The following FNDC3B variants were observed in gnomAD, a reference collection of about 807,000 sequenced individuals.
FNDC3B encodes fibronectin type III domain-containing protein 3B.
In FNDC3B, 12 loss-of-function variants were observed where a neutral mutation model predicts 151.5. That is an observed-to-expected ratio of 0.08 (90% CI 0.05 to 0.13). The LOEUF is 0.13. FNDC3B is among the 10% of genes least tolerant of loss of function. The probability of loss-of-function intolerance (pLI) is 1.00; values close to 1 mark genes in which losing one functional copy is unlikely to be tolerated. For synonymous variants in FNDC3B, 528 were observed against 549.0 expected (o/e 0.96, Z 0.54); for missense variants, 1,214 against 1,505.3 (o/e 0.81, Z 3.20).
At chr3:172,299,211 A>G (rs1730781114) in intron 9 of FNDC3B, among the ~76,000 whole-genome samples, 1 of 152,210 alleles carries the variant, frequency 6.6e-6, no homozygotes, top group Non-Finnish European at 1.5e-5. Flanking sequence ...AGACCTTAAA[A>G]GCTGGTAGAT....
At position 172,162,362 on chromosome 3, in the gene FNDC3B, G is replaced by A. The variant is rs1470440898; in HGVS notation, c.187+28816G>A. The stretch of plus-strand genomic sequence containing the variant: ...CCAGATAATATTCCAGCATATGGAT[G>A]TATCACACTGTATTAATCCATTCAT... On this transcript the variant is annotated intron_variant, in intron 3 of 25. Coordinates refer to ENST00000415807, the MANE Select transcript of FNDC3B (RefSeq NM_022763.4). 2.0e-5 allele frequency among the ~76,000 whole-genome samples: 3 copies of A among 152,196 alleles called. No individual in the cohort carries two copies. In the East Asian group the frequency reaches 5.8e-4, roughly 29 times the overall value.
chr3:172,324,872 G>T (rs755626303), intron 11 of FNDC3B, among the ~76,000 whole-genome samples: 2 of 152,246 alleles, frequency 1.3e-5, no homozygotes, highest in African/African-American at 2.4e-5. Flanking sequence ...AGGGACTCCA[G>T]TGTCACCTTA....
chr3:172,175,066 G>C (rs1480443018), intron 3 of FNDC3B, among the ~76,000 whole-genome samples: 1 of 151,454 alleles, frequency 6.6e-6, no homozygotes, highest in African/African-American at 2.4e-5. Flanking sequence ...GGCCCCTGCT[G>C]CTTTTGCTTT....
intron 11 of FNDC3B, among the ~76,000 whole-genome samples, chr3:172,316,000 C>CTT (rs555242809): frequency 0.019 from 1,500 of 79,708 alleles, 18 homozygotes; most frequent in Middle Eastern, 0.037. Flanking sequence ...CTTTCTTCTT[C>CTT]TTTTTTTTTT....
intron 9 of FNDC3B, among the ~76,000 whole-genome samples, chr3:172,299,796 C>T (rs904496616): frequency 1.3e-5 from 2 of 151,836 alleles, no homozygotes; most frequent in Non-Finnish European, 2.9e-5. Context: ...TATGAATTAC[C>T]AGGAGGCTTG....
intron 11 of FNDC3B, among the ~76,000 whole-genome samples, chr3:172,324,008 G>A (rs1732220308): frequency 6.6e-6 from 1 of 152,106 alleles, no homozygotes; most frequent in Non-Finnish European, 1.5e-5. Context: ...ACTTACCCAG[G>A]TTCAGATAAA....
Position 172,346,429 on chromosome 3 carries a change from G to A in FNDC3B, c.2353G>A (p.Val785Met). The change falls in exon 20 of 26, where the codon GTG becomes ATG. Residue 785 changes from valine to methionine, a missense_variant. Val to Met is a conservative substitution (Grantham distance 21). Transcript: ENST00000415807. Reference sequence around the variant, plus strand: ...TTGTACACCTGATGGATGTGTCTTAGTGGGTTGGGAGGTAAGTCAGGCATA... The same window carrying A: ...TTGTACACCTGATGGATGTGTCTTAATGGGTTGGGAGGTAAGTCAGGCATA... ...ISCTPDGCVL[V>M]GWESPDSSGA... 2 of 1,609,054 alleles carry A rather than the reference G, an allele frequency of 1.2e-6. No individual in the cohort carries two copies. The highest frequency in any genetic ancestry group is 1.3e-5 in the African/African-American group (1 of 74,890).
intron 3 of FNDC3B, among the ~76,000 whole-genome samples, chr3:172,190,551 CTAAT>C (rs1724451925): frequency 6.6e-6 from 1 of 152,344 alleles, no homozygotes; most frequent in Admixed American, 6.5e-5. Context: ...AGTGGATAAA[CTAAT>C]TAAACCATAA....
intron 24 of FNDC3B, among the ~76,000 whole-genome samples, chr3:172,379,341 A>G (rs1467933975): frequency 6.6e-6 from 1 of 152,240 alleles, no homozygotes; most frequent in Non-Finnish European, 1.5e-5. Context: ...TAGCAGGGTA[A>G]GTACAACCTG....
chr3:172,386,981 G>T (rs1470821694), intron 25 of FNDC3B, among the ~76,000 whole-genome samples: 1 of 151,690 alleles, frequency 6.6e-6, no homozygotes, highest in African/African-American at 2.4e-5. Context: ...TTTTGAGATG[G>T]AGTCTCGCTC....
chr3:172,115,185 G>A (rs565718094), intron 2 of FNDC3B, among the ~76,000 whole-genome samples: 1 of 152,292 alleles, frequency 6.6e-6, no homozygotes, highest in South Asian at 2.1e-4. Context: ...ATTCTTTCAA[G>A]CCTCAGTTCT....
At chr3:172,085,627 G>C (rs994058264) in intron 1 of FNDC3B, among the ~76,000 whole-genome samples, 2 of 152,190 alleles carry the variant, frequency 1.3e-5, no homozygotes, top group Non-Finnish European at 2.9e-5. Flanking sequence ...GCCCTTGTTA[G>C]GCAATTGAAA....
At chr3:172,093,386 G>A (rs1317943741) in intron 1 of FNDC3B, among the ~76,000 whole-genome samples, 2 of 151,730 alleles carry the variant, frequency 1.3e-5, no homozygotes, top group South Asian at 2.1e-4. Context: ...AGCCTCCCGA[G>A]TAGCTGGGAC....
intron 3 of FNDC3B, chr3:172,184,168 C>G (rs528750556): frequency 2.6e-5 from 4 of 152,252 alleles, no homozygotes; most frequent in African/African-American, 9.6e-5. Flanking sequence ...TCCAGAGGCC[C>G]CCATTCCCCT....
intron 3 of FNDC3B, among the ~76,000 whole-genome samples, chr3:172,199,305 G>A (rs1369139006): frequency 1.3e-5 from 2 of 151,134 alleles, no homozygotes; most frequent in Admixed American, 6.6e-5. Context: ...TCAGCCTCCC[G>A]AGTAGCTGGG....
At position 172,046,421 on chromosome 3, in the gene FNDC3B, C is replaced by T. The variant is rs963461711; in HGVS notation, c.-29+6650C>T. Among the ~76,000 whole-genome samples, 6 of 151,706 alleles carry T rather than the reference C, an allele frequency of 4.0e-5. No individual in the cohort carries two copies. The South Asian group carries it at 6.2e-4, about 16-fold the overall frequency. Reference sequence around the variant, plus strand: ...CTTACTATGGCTTCGAACTCCTGGGCTCAAGTGATCCTTGAGTAGGGCTAT... The same window carrying T: ...CTTACTATGGCTTCGAACTCCTGGGTTCAAGTGATCCTTGAGTAGGGCTAT... On this transcript the variant is annotated intron_variant, in intron 1 of 25. Transcript: ENST00000415807.
chr3:172,054,044 A>G (rs899164267), intron 1 of FNDC3B, among the ~76,000 whole-genome samples: 1 of 152,228 alleles, frequency 6.6e-6, no homozygotes, highest in Admixed American at 6.5e-5. Context: ...CCTTTTACTC[A>G]CTGGTAAAAC....
At chr3:172,380,916 T>C in intron 24 of FNDC3B, 50 bp from the exon 25 acceptor site, 1 of 1,602,230 alleles carries the variant, frequency 6.2e-7, no homozygotes, top group Non-Finnish European at 8.5e-7. Flanking sequence ...TGTTGACTAT[T>C]AACATGATAC....
intron 25 of FNDC3B, among the ~76,000 whole-genome samples, chr3:172,392,810 C>CTTTCTTTTTTTTTTTTTTTTT (rs1491505881): frequency 4.0e-5 from 4 of 99,870 alleles, no homozygotes; most frequent in South Asian, 3.9e-4. Context: ...TTTTTTTTTT[C>CTTTCTTTTTTTTTTTTTTTTT]TTTTTTTTTT....
Sources: gnomAD v4.1 joint callset for allele counts (sites outside exome capture counted in the v4.1 genomes callset) on GRCh38, gnomAD v4.1.1 for gene constraint, MANE v1.5 for transcripts, NCBI Gene and HGNC (gene_info 2026-07-23, HGNC 2026-07-21) for gene names.